The following LSAMP variants were observed in gnomAD, a reference collection of about 807,000 sequenced individuals.
The protein encoded by LSAMP is limbic system associated membrane protein, also known as limbic system-associated membrane protein.
Under a neutral mutation model 38.6 loss-of-function variants are expected in LSAMP, and 7 were observed. The ratio of observed to expected loss-of-function variants is 0.18; its 90% CI spans 0.10 to 0.34. The LOEUF (loss-of-function observed/expected upper bound fraction) is 0.34, where lower values mean the gene tolerates loss of function less well. LSAMP is among the 10% of genes least tolerant of loss of function. LSAMP has a pLI of 1.00. For synonymous variants in LSAMP, 154 were observed against 166.8 expected, an observed-to-expected ratio of 0.92 and a Z score of 0.59; for missense variants, 313 against 420.0, an observed-to-expected ratio of 0.75 and a Z score of 2.23.
In LSAMP at chr3:116,444,938, C is replaced by A. The variant is rs956639634; in HGVS notation, c.94G>T (p.Val32Leu). ...TTGTCCGTGCCTCGGTTAAAATCCA[C>A]GCTGCGAACAGGCAGTCCTGTGGGA... ...LLPTGLPVRS[V>L]DFNRGTDNIT... The change falls in exon 1 of 7, where the codon GTG (valine) becomes TTG (leucine). Residue 32 changes from valine (V) to leucine (L), a missense_variant. Physicochemically the swap from Val to Leu is conservative, Grantham distance 32. Transcript: ENST00000490035. 6.2e-7 allele frequency: 1 copy of A among 1,614,024 alleles called. No homozygotes were observed. The highest frequency in any genetic ancestry group is 1.3e-5 in the African/African-American group (1 of 74,934).
chr3:116,210,522 C>T (rs774029305), intron 1 of LSAMP, among the ~76,000 whole-genome samples: 5 of 152,178 alleles, frequency 3.3e-5, no homozygotes, highest in Non-Finnish European at 4.4e-5. Context: ...AGCTCTCGGG[C>T]CTTTGGCCAC....
chr3:115,976,700 C>T (rs990083662), intron 3 of LSAMP, among the ~76,000 whole-genome samples: 5 of 152,108 alleles, frequency 3.3e-5, no homozygotes, highest in South Asian at 2.1e-4. Context: ...ATCATGGGGG[C>T]GGATTATCCC....
rs563714428 is a variant in LSAMP, at chr3:116,425,881, A to G, written c.155+18996T>C. On this transcript the variant is annotated intron_variant, in intron 1 of 6. Coordinates refer to ENST00000490035, the MANE Select transcript of LSAMP (RefSeq NM_002338.5). ...AACCATACATCCTAAAGCAAAAAAA[A>G]AAAATTAATACACACAAAAGGAAAG... Among the ~76,000 whole-genome samples the G allele has an allele frequency of 3.8e-3, 580 of 152,120 alleles. 5 individuals carry two copies. Among genetic ancestry groups the G allele is most frequent in the African/African-American group, 0.013 (550 of 41,540 alleles).
chr3:116,410,885 C>T (rs982203652), intron 1 of LSAMP, among the ~76,000 whole-genome samples: 1 of 151,970 alleles, frequency 6.6e-6, no homozygotes, highest in Non-Finnish European at 1.5e-5. Context: ...TTCTTTTTTG[C>T]GAACGGAGGG....
intron 4 of LSAMP, among the ~76,000 whole-genome samples, chr3:115,849,518 T>C (rs1254921373): frequency 6.6e-6 from 1 of 152,128 alleles, no homozygotes; most frequent in East Asian, 1.9e-4. Flanking sequence ...GTCTGTTCAT[T>C]ACAATAATCT....
intron 2 of LSAMP, among the ~76,000 whole-genome samples, chr3:116,067,759 C>G (rs542497654): frequency 6.6e-6 from 1 of 151,894 alleles, no homozygotes; most frequent in Admixed American, 6.5e-5. Flanking sequence ...TTGATGTACA[C>G]CTTTCTGTAT....
chr3:116,430,047 G>A (rs964470429), intron 1 of LSAMP, among the ~76,000 whole-genome samples: 2 of 152,194 alleles, frequency 1.3e-5, no homozygotes, highest in Non-Finnish European at 2.9e-5. Context: ...AGACGTAAGA[G>A]ATGAGGTCAG....
At chr3:116,062,826 T>C (rs1941621674) in intron 2 of LSAMP, among the ~76,000 whole-genome samples, 1 of 152,148 alleles carries the variant, frequency 6.6e-6, no homozygotes, top group Non-Finnish European at 1.5e-5. Context: ...AATAATTAAA[T>C]TGTGTAATTA....
chr3:116,060,891 A>T (rs1450759674), intron 2 of LSAMP, among the ~76,000 whole-genome samples: 1 of 152,060 alleles, frequency 6.6e-6, no homozygotes, highest in Non-Finnish European at 1.5e-5. Context: ...TAAAAAATAA[A>T]ATACCACAAT....
At position 116,290,208 on chromosome 3, in the gene LSAMP, G is replaced by C. The variant is rs558365681; in HGVS notation, c.155+154669C>G. Among the ~76,000 whole-genome samples, 7 of 152,266 alleles carry C rather than the reference G, an allele frequency of 4.6e-5. 1 individual carries two copies. In the South Asian group the frequency reaches 1.5e-3, roughly 32 times the overall value. ...TAGCCTATGGTGACTTTCAAGAAAA[G>C]GAATTGGAGTAGTAGCATTTTAGTT... is the stretch of plus-strand genomic sequence containing the variant. On this transcript the variant is annotated intron_variant, in intron 1 of 6. Coordinates refer to ENST00000490035, the MANE Select transcript of LSAMP (RefSeq NM_002338.5).
At chr3:116,237,098 C>G (rs1172431841) in intron 1 of LSAMP, among the ~76,000 whole-genome samples, 3 of 151,716 alleles carry the variant, frequency 2.0e-5, no homozygotes, top group Non-Finnish European at 4.4e-5. Flanking sequence ...CAAAAATATG[C>G]CTATATGATT....
chr3:115,928,969 GTTTGTTTTTT>G (rs1937532754), intron 3 of LSAMP, among the ~76,000 whole-genome samples: 1 of 53,582 alleles, frequency 1.9e-5, no homozygotes, highest in Admixed American at 2.3e-4. Flanking sequence ...CAGGTTTTTT[GTTTGTTTTTT>G]TTTTTTTTTT....
intron 2 of LSAMP, among the ~76,000 whole-genome samples, chr3:116,045,273 C>T (rs1576329747): frequency 1.3e-5 from 2 of 152,240 alleles, no homozygotes; most frequent in African/African-American, 4.8e-5. Context: ...ATTATCTTTA[C>T]CAATCATTTA....
intron 1 of LSAMP, among the ~76,000 whole-genome samples, chr3:116,434,351 T>C (rs1267216578): frequency 6.6e-6 from 1 of 152,234 alleles, no homozygotes; most frequent in African/African-American, 2.4e-5. Context: ...GAAATGCCTA[T>C]ATTTCAGGCA....
intron 3 of LSAMP, among the ~76,000 whole-genome samples, chr3:115,998,599 C>G (rs1939896761): frequency 6.6e-6 from 1 of 152,150 alleles, no homozygotes; most frequent in Admixed American, 6.5e-5. Flanking sequence ...TGTACCATCT[C>G]AGGCCCCACC....
intron 4 of LSAMP, among the ~76,000 whole-genome samples, chr3:115,851,033 G>T (rs1935314385): frequency 6.6e-6 from 1 of 152,120 alleles, no homozygotes; most frequent in African/African-American, 2.4e-5. Flanking sequence ...AAGTGCAGTG[G>T]CGCGATCTCG....
At chr3:116,393,701 C>T (rs2048732064) in intron 1 of LSAMP, among the ~76,000 whole-genome samples, 2 of 152,172 alleles carry the variant, frequency 1.3e-5, no homozygotes, top group Non-Finnish European at 2.9e-5. Flanking sequence ...ATTTTAGGAT[C>T]TACTTTTTAG....
chr3:116,062,621 G>C (rs945022254), intron 2 of LSAMP, among the ~76,000 whole-genome samples: 2 of 152,106 alleles, frequency 1.3e-5, no homozygotes, highest in Non-Finnish European at 2.9e-5. Flanking sequence ...ACATAGACGG[G>C]ATCTGTGCCA....
At chr3:116,200,595 ATTCT>A (rs2045974902) in intron 1 of LSAMP, among the ~76,000 whole-genome samples, 1 of 152,140 alleles carries the variant, frequency 6.6e-6, no homozygotes, top group Non-Finnish European at 1.5e-5. Flanking sequence ...GGCTTCAAAT[ATTCT>A]TTGTCATAAA....
Sources: gnomAD v4.1 joint callset for allele counts (sites outside exome capture counted in the v4.1 genomes callset) on GRCh38, gnomAD v4.1.1 for gene constraint, MANE v1.5 for transcripts, NCBI Gene and HGNC (gene_info 2026-07-23, HGNC 2026-07-21) for gene names.